SORL1: variants seen among roughly 807,000 people sequenced by gnomAD.
SORL1 encodes the protein sortilin related receptor 1, also known as sortilin-related receptor.
SORL1 carries 127 observed loss-of-function variants against 273.7 expected under a neutral mutation model. The observed-to-expected ratio is 0.46, with a 90% CI of 0.40 to 0.54. SORL1 has a LOEUF of 0.54. Ranked by LOEUF, SORL1 falls within the 20% of genes least tolerant of loss-of-function variation. The pLI, the probability that SORL1 is intolerant of heterozygous loss-of-function variation, is 0.00. For missense variants in SORL1, 2,494 were observed against 2,846.1 expected (o/e 0.88, Z 2.81); for synonymous variants, 1,031 against 1,067.4 (o/e 0.97, Z 0.66).
At chr11:121,460,698 G>A (rs752831283) in intron 1 of SORL1, among the ~76,000 whole-genome samples, 6 of 152,096 alleles carry the variant, frequency 3.9e-5, no homozygotes, top group Non-Finnish European at 8.8e-5. Flanking sequence ...GCCTGGCCTT[G>A]GTGAAATTTT....
At chr11:121,501,624 C>T (rs1319907428) in intron 6 of SORL1, among the ~76,000 whole-genome samples, 6 of 152,332 alleles carry the variant, frequency 3.9e-5, no homozygotes, top group East Asian at 1.9e-4. Flanking sequence ...GCATGGCTTA[C>T]GTGGCGGCAG....
intron 30 of SORL1, 94 bp downstream of exon 30, chr11:121,590,268 T>C: frequency 7.6e-7 from 1 of 1,323,238 alleles, no homozygotes; most frequent in South Asian, 1.5e-5. Flanking sequence ...TGATTCCGTG[T>C]TTTGGGGGGC....
chr11:121,466,309 A>G (rs1423761514), intron 1 of SORL1, among the ~76,000 whole-genome samples: 4 of 151,996 alleles, frequency 2.6e-5, no homozygotes, highest in Admixed American at 2.6e-4. Flanking sequence ...TGGGTGTGGG[A>G]CCTGTGTGGG....
Position 121,484,732 on chromosome 11 carries a change from G to A in SORL1, c.529-3300G>A, listed in dbSNP as rs572871412. On this transcript the variant is annotated intron_variant, in intron 3 of 47. Coordinates refer to ENST00000260197, the MANE Select transcript of SORL1 (RefSeq NM_003105.6). ...CTCTGTAAGAATTGAGGGTTAGACTGTAGATTTGAAAGTCATGCCATGCTT... is the reference window on the plus strand; with the variant it reads ...CTCTGTAAGAATTGAGGGTTAGACTATAGATTTGAAAGTCATGCCATGCTT... 5.3e-5 allele frequency among the ~76,000 whole-genome samples: 8 copies of A among 152,236 alleles called. No homozygotes were observed. In the South Asian group the frequency reaches 1.5e-3, roughly 28 times the overall value.
intron 41 of SORL1, among the ~76,000 whole-genome samples, chr11:121,617,861 A>T (rs1362274730): frequency 6.6e-6 from 1 of 152,236 alleles, no homozygotes; most frequent in Non-Finnish European, 1.5e-5. Context: ...AGGAAGTGAC[A>T]GTAACAGTGG....
Position 121,596,345 on chromosome 11 carries a change from T to C in SORL1, c.4519+573T>C, listed in dbSNP as rs1235997838. On this transcript the variant is annotated intron_variant, in intron 32 of 47. Transcript: ENST00000260197. The surrounding 1 kb of genome is among the most constrained non-coding windows in gnomAD (Gnocchi z 4.3). ...GTTTGGAGTTGGTGGGTCCTGGTGT[T>C]TGGTCCTCTGATGAACCCAGGGAGG... Among the ~76,000 whole-genome samples the C allele has an allele frequency of 6.6e-6, 1 of 152,182 alleles. No individual in the cohort carries two copies. Among genetic ancestry groups the C allele is most frequent in the African/African-American group, 2.4e-5 (1 of 41,450 alleles).
intron 21 of SORL1, 105 bp from the exon 22 acceptor site, chr11:121,566,835 G>C: frequency 8.9e-7 from 1 of 1,119,378 alleles, no homozygotes; most frequent in Non-Finnish European, 1.3e-6. Context: ...GCTTCTCGCT[G>C]TCCTTTCCGT....
intron 27 of SORL1, among the ~76,000 whole-genome samples, chr11:121,586,940 C>T (rs1047885320): frequency 6.6e-5 from 10 of 151,998 alleles, no homozygotes; most frequent in African/African-American, 9.7e-5. Flanking sequence ...CTGTGCAGTC[C>T]GGGTTGAGAG....
At chr11:121,583,406 G>A in intron 25 of SORL1, 52 bp from the exon 26 acceptor site, 1 of 1,569,194 alleles carries the variant, frequency 6.4e-7, no homozygotes, top group Non-Finnish European at 8.7e-7. Context: ...TGGACAGTTG[G>A]TGGGGGATGG....
intron 23 of SORL1, among the ~76,000 whole-genome samples, chr11:121,572,991 C>G (rs1353376330): frequency 6.6e-6 from 1 of 152,202 alleles, no homozygotes; most frequent in Non-Finnish European, 1.5e-5. Flanking sequence ...CACATTTTAC[C>G]TCCTGGGTCA....
chr11:121,539,331 C>G (rs964382756), intron 12 of SORL1, among the ~76,000 whole-genome samples: 7 of 152,328 alleles, frequency 4.6e-5, no homozygotes, highest in African/African-American at 1.7e-4. Context: ...ACCTCCTTTT[C>G]GTCTGAGTGC....
rs1863047244 is a variant in SORL1, at chr11:121,583,597, C to T, written c.3706+14C>T. ...CAGTCAACTGTGGTAAATGCAAATT[C>T]CCCAGCTCCCTCCCTGAGCCTCCCC... On this transcript the variant is annotated intron_variant, in intron 26 of 47. Transcript: ENST00000260197. 1.3e-6 allele frequency: 2 copies of T among 1,597,760 alleles called. No homozygotes were observed. Among genetic ancestry groups the T allele is most frequent in the East Asian group, 2.3e-5 (1 of 43,468 alleles).
intron 1 of SORL1, among the ~76,000 whole-genome samples, chr11:121,463,278 G>A (rs2134772055): frequency 6.6e-6 from 1 of 150,834 alleles, no homozygotes; most frequent in Non-Finnish European, 1.5e-5. Context: ...TTTGCCAACT[G>A]GTAAATTAAG....
At chr11:121,584,226 T>G (rs1376153738) in intron 26 of SORL1, among the ~76,000 whole-genome samples, 3 of 152,208 alleles carry the variant, frequency 2.0e-5, no homozygotes, top group Admixed American at 1.3e-4. Flanking sequence ...GTTACCAAAT[T>G]GGGTTTCCAA....
At chr11:121,586,384 G>C in intron 27 of SORL1, 55 bp downstream of exon 27, 1 of 1,293,562 alleles carries the variant, frequency 7.7e-7, no homozygotes, top group Non-Finnish European at 1.1e-6. Flanking sequence ...TATGAGTGAA[G>C]AGCGTATATT....
intron 3 of SORL1, among the ~76,000 whole-genome samples, chr11:121,484,901 ACAC>A (rs1484912980): frequency 3.9e-5 from 6 of 152,212 alleles, no homozygotes; most frequent in African/African-American, 1.4e-4. Flanking sequence ...TTATAGGTGC[ACAC>A]CACCATGCCC....
chr11:121,602,182 C>T (rs1226545643), intron 32 of SORL1, among the ~76,000 whole-genome samples: 1 of 152,150 alleles, frequency 6.6e-6, no homozygotes, highest in Non-Finnish European at 1.5e-5. Flanking sequence ...TGAGCTTCCC[C>T]CCACCATGGC....
At chr11:121,484,277 A>G (rs1222503724) in intron 3 of SORL1, among the ~76,000 whole-genome samples, 1 of 152,324 alleles carries the variant, frequency 6.6e-6, no homozygotes, top group South Asian at 2.1e-4. Context: ...GTGGCAGTGT[A>G]GGCATGAAGT....
rs74643097 is a variant in SORL1 at position 121,487,949 on chromosome 11, C to T, written c.529-83C>T. The T allele has an allele frequency of 2.8e-4, 413 of 1,449,948 alleles. 3 individuals are homozygous for T. The East Asian group carries it at 6.1e-3, about 21-fold the overall frequency. 89.8% of individuals were successfully genotyped at this position (1,449,948 alleles called of 1,614,324 possible). A position where few individuals can be genotyped will look rare whatever the true frequency, so the allele number is the denominator to read the frequency against. On this transcript the variant is annotated intron_variant, in intron 3 of 47. Coordinates refer to ENST00000260197, the MANE Select transcript of SORL1 (RefSeq NM_003105.6). The stretch of plus-strand genomic sequence containing the variant: ...GCTGGCCCCTGCACATGTGTGTACT[C>T]GTGTGGACTCGCACATGGTTTAGGG...
Sources: allele counts gnomAD v4.1 joint callset (sites outside exome capture counted in the v4.1 genomes callset), GRCh38; gene constraint gnomAD v4.1.1; non-coding constraint Gnocchi (gnomAD v3.1); transcripts MANE v1.5; gene names NCBI Gene and HGNC (gene_info 2026-07-23, HGNC 2026-07-21).